The following FRAS1 variants were observed in gnomAD, a reference collection of about 807,000 sequenced individuals.
The protein encoded by FRAS1 is Fraser extracellular matrix complex subunit 1, also known as extracellular matrix organizing protein FRAS1.
Under a neutral mutation model 435.2 loss-of-function variants are expected in FRAS1, and 290 were observed. That is an observed-to-expected ratio of 0.67 (90% CI 0.61 to 0.73). The LOEUF is 0.73. Ranked by LOEUF, FRAS1 falls within the 30% of genes least tolerant of loss-of-function variation. FRAS1 has a pLI of 0.00. For missense variants in FRAS1, 4,860 were observed against 5,001.5 expected, an observed-to-expected ratio of 0.97 and a Z score of 0.85; for synonymous variants, 1,800 against 1,851.0, an observed-to-expected ratio of 0.97 and a Z score of 0.71.
At chr4:78,495,686 G>T (rs1164310029) in intron 59 of FRAS1, among the ~76,000 whole-genome samples, 1 of 152,074 alleles carries the variant, frequency 6.6e-6, no homozygotes, top group African/African-American at 2.4e-5. Flanking sequence ...AAATTATAAA[G>T]AAAATACAGT....
chr4:78,290,847 G>A (rs1443285060), intron 14 of FRAS1, among the ~76,000 whole-genome samples: 3 of 136,774 alleles, frequency 2.2e-5, no homozygotes, highest in Non-Finnish European at 4.6e-5. Context: ...CTCTTGTCAC[G>A]ATCTTGGCTC....
intron 38 of FRAS1, among the ~76,000 whole-genome samples, chr4:78,432,905 C>T (rs1300717205): frequency 6.6e-6 from 1 of 152,146 alleles, no homozygotes; most frequent in Non-Finnish European, 1.5e-5. Flanking sequence ...TGTTTAAGCT[C>T]CATTCATTAT....
intron 41 of FRAS1, chr4:78,444,032 T>C: frequency 2.9e-6 from 1 of 350,670 alleles, no homozygotes; most frequent in South Asian, 2.1e-5. Context: ...GTGGGGTAAT[T>C]TTTGTAGAGA....
intron 20 of FRAS1, among the ~76,000 whole-genome samples, chr4:78,342,597 A>G (rs1418568050): frequency 2.0e-5 from 3 of 152,220 alleles, no homozygotes; most frequent in African/African-American, 7.2e-5. Context: ...AGAAAACTCC[A>G]AAGCCTGAGG....
chr4:78,074,035 T>C (rs1198255574), intron 2 of FRAS1, among the ~76,000 whole-genome samples: 1 of 152,016 alleles, frequency 6.6e-6, no homozygotes, highest in Non-Finnish European at 1.5e-5. Flanking sequence ...AAGAAATGGT[T>C]TATTGTTAGT....
At chr4:78,394,438 CTATT>C (rs1303953199) in intron 29 of FRAS1, among the ~76,000 whole-genome samples, 1 of 152,022 alleles carries the variant, frequency 6.6e-6, no homozygotes, top group Non-Finnish European at 1.5e-5. Flanking sequence ...TATCCCAACA[CTATT>C]TATTGAAGAG....
rs772996514 is a variant in FRAS1 at position 78,464,066 on chromosome 4, A to G, written c.6809A>G (p.Asn2270Ser). 8.7e-6 allele frequency: 14 copies of G among 1,613,748 alleles called. No homozygotes were observed. The highest frequency in any genetic ancestry group is 1.2e-5 in the Non-Finnish European group (14 of 1,179,812). ...SFTQADLTSR[N>S]VQYVHSSEAE... ...ACTCAAGCTGATCTGACTTCACGAA[A>G]TGTTCAGTATGTCCATTCTAGTGAG... is the stretch of plus-strand genomic sequence containing the variant. Residue 2270 changes from asparagine (N) to serine (S), a missense_variant, in exon 48 of 74, where the codon AAT (asparagine) becomes AGT (serine). Physicochemically the swap from Asn to Ser is conservative, Grantham distance 46. Coordinates refer to ENST00000512123, the MANE Select transcript of FRAS1 (RefSeq NM_025074.7).
At chr4:78,153,020 T>A (rs17002979) in intron 2 of FRAS1, among the ~76,000 whole-genome samples, 5,473 of 152,162 alleles carry the variant, frequency 0.036, 331 homozygotes, top group African/African-American at 0.13. Flanking sequence ...TTGCCTGGAT[T>A]GTTGCTGTAG....
At chr4:78,120,491 C>T (rs747821761) in intron 2 of FRAS1, among the ~76,000 whole-genome samples, 1 of 152,090 alleles carries the variant, frequency 6.6e-6, no homozygotes. Context: ...GCATGACAGT[C>T]CAGGAATAAG....
rs561680869 is a variant in FRAS1, at chr4:78,485,620, C to A, written c.8752+3085C>A. On this transcript the variant is annotated intron_variant, in intron 58 of 73. Coordinates refer to ENST00000512123, the MANE Select transcript of FRAS1 (RefSeq NM_025074.7). ...TAGTAATAACGAACTTTTGTTGAGT[C>A]CATTCAGTGTGAACATTCTAGGGTA... Among the ~76,000 whole-genome samples the A allele has an allele frequency of 2.6e-5, 4 of 152,312 alleles. No individual in the cohort carries two copies. The East Asian group carries it at 7.7e-4, about 29-fold the overall frequency.
intron 69 of FRAS1, among the ~76,000 whole-genome samples, chr4:78,524,901 A>G (rs1721486398): frequency 6.6e-6 from 1 of 152,146 alleles, no homozygotes; most frequent in African/African-American, 2.4e-5. Flanking sequence ...TTTAATTAGA[A>G]TGTTCCCAGT....
At chr4:78,461,734 A>C (rs1239907900) in intron 47 of FRAS1, among the ~76,000 whole-genome samples, 3 of 152,194 alleles carry the variant, frequency 2.0e-5, no homozygotes, top group Admixed American at 2.0e-4. Flanking sequence ...TATTCCAGGT[A>C]TTTCGCTCCT....
In FRAS1 at chr4:78,540,804, G is replaced by A. The variant is rs1722025308; in HGVS notation, c.11719G>A (p.Gly3907Ser). The change falls in exon 74 of 74, where the codon GGC (glycine) becomes AGC (serine). Residue 3907 changes from glycine to serine, a missense_variant. By Grantham distance (56) the Gly-to-Ser change is moderately conservative (BLOSUM62 0). Coordinates refer to ENST00000512123, the MANE Select transcript of FRAS1 (RefSeq NM_025074.7). ...CCTGTCACAGACTGGGGCGTCCATT[G>A]GCAGTGCCCTGGCTGCAATCATGCT... The part of the protein sequence containing the change: ...ASLSQTGASI[G>S]SALAAIMLLL... 2 of 1,613,848 alleles carry A rather than the reference G, an allele frequency of 1.2e-6. No homozygotes were observed. The highest frequency in any genetic ancestry group is 2.2e-5 in the South Asian group (2 of 91,076).
chr4:78,444,896 T>C (rs991876183), intron 41 of FRAS1, among the ~76,000 whole-genome samples: 2 of 152,222 alleles, frequency 1.3e-5, no homozygotes, highest in Non-Finnish European at 2.9e-5. Flanking sequence ...GAGCTCTGAA[T>C]GGTCCTGGAG....
rs562868746 is a variant in FRAS1 at position 78,391,834 on chromosome 4, C to G, written c.3975+4133C>G. On this transcript the variant is annotated intron_variant, in intron 29 of 73. Coordinates refer to ENST00000512123, the MANE Select transcript of FRAS1 (RefSeq NM_025074.7). The stretch of plus-strand genomic sequence containing the variant: ...TTCCCTCAATTTCATTAATGCCTAC[C>G]TCTCATTGGTTGTCTTTCAGGGACA... Among the ~76,000 whole-genome samples the G allele has an allele frequency of 3.3e-5, 5 of 152,220 alleles. No homozygotes were observed. The East Asian group carries it at 9.6e-4, about 29-fold the overall frequency.
intron 5 of FRAS1, 62 bp downstream of exon 5, chr4:78,252,613 G>A (rs2110133778): frequency 1.4e-6 from 2 of 1,441,564 alleles, no homozygotes; most frequent in Non-Finnish European, 1.9e-6. Context: ...GCTATCGGGG[G>A]AACCAGCCCT....
chr4:78,483,727 A>G (rs1482498864), intron 58 of FRAS1, among the ~76,000 whole-genome samples: 1 of 142,966 alleles, frequency 7.0e-6, no homozygotes, highest in African/African-American at 2.6e-5. Context: ...AACAATTTTA[A>G]CCAGTTTTTT....
chr4:78,522,878 A>G, intron 69 of FRAS1, 70 bp downstream of exon 69: 1 of 1,319,482 alleles, frequency 7.6e-7, no homozygotes, highest in Non-Finnish European at 1.0e-6. Context: ...GAGCTTGGGA[A>G]ATAGTGCTTT....
chr4:78,372,919 T>C, intron 24 of FRAS1, 61 bp downstream of exon 24: 1 of 1,511,520 alleles, frequency 6.6e-7, no homozygotes, highest in Non-Finnish European at 8.9e-7. Context: ...TGATTTGTAC[T>C]GTTCTCAGAA....
Sources: allele counts gnomAD v4.1 joint callset (sites outside exome capture counted in the v4.1 genomes callset), GRCh38; gene constraint gnomAD v4.1.1; transcripts MANE v1.5; gene names NCBI Gene and HGNC (gene_info 2026-07-23, HGNC 2026-07-21).